Variants in PDE3B observed in about 807,000 individuals in gnomAD.
PDE3B encodes cGMP-inhibited 3',5'-cyclic phosphodiesterase 3B.
Under a neutral mutation model 116.8 loss-of-function variants are expected in PDE3B, and 66 were observed. The ratio of observed to expected loss-of-function variants is 0.56; its 90% CI spans 0.46 to 0.69. PDE3B has a LOEUF of 0.69. Among genes scored for constraint, PDE3B ranks in the 30% least tolerant of loss-of-function variants. The probability of loss-of-function intolerance (pLI) is 0.00; values close to 1 mark genes in which losing one functional copy is unlikely to be tolerated. For synonymous variants in PDE3B, 595 were observed against 533.6 expected (o/e 1.12, Z -1.59); for missense variants, 1,384 against 1,368.1 (o/e 1.01, Z -0.18).
chr11:14,742,980 C>G (rs1022469388), intron 1 of PDE3B, among the ~76,000 whole-genome samples: 1 of 152,160 alleles, frequency 6.6e-6, no homozygotes, highest in Non-Finnish European at 1.5e-5. Flanking sequence ...AGCCAGAGCT[C>G]TCCTGTATGA....
intron 5 of PDE3B, among the ~76,000 whole-genome samples, chr11:14,809,145 G>A (rs1859045751): frequency 6.6e-6 from 1 of 152,176 alleles, no homozygotes; most frequent in African/African-American, 2.4e-5. Flanking sequence ...TACTGGCATA[G>A]AGATATTTCT....
chr11:14,723,641 G>A (rs768063753), intron 1 of PDE3B, among the ~76,000 whole-genome samples: 2 of 152,060 alleles, frequency 1.3e-5, no homozygotes, highest in Non-Finnish European at 2.9e-5. Flanking sequence ...CACACCTCTA[G>A]TCCTAGCTAC....
intron 1 of PDE3B, among the ~76,000 whole-genome samples, chr11:14,678,157 C>T (rs1164324965): frequency 4.6e-5 from 7 of 152,054 alleles, no homozygotes; most frequent in African/African-American, 7.2e-5. Context: ...TTGAACTGGC[C>T]TCAAGTTATT....
At chr11:14,783,874 C>T (rs539887828) in intron 2 of PDE3B, among the ~76,000 whole-genome samples, 8 of 152,260 alleles carry the variant, frequency 5.3e-5, no homozygotes, top group South Asian at 4.1e-4. Context: ...TTAAACCAGG[C>T]GTCACCAACC....
chr11:14,844,351 T>G (rs1487491224), intron 12 of PDE3B, among the ~76,000 whole-genome samples: 1 of 152,174 alleles, frequency 6.6e-6, no homozygotes. Context: ...TCTGTTCCGC[T>G]GGAGCCAAGA....
chr11:14,675,742 A>G (rs1310725344), intron 1 of PDE3B, among the ~76,000 whole-genome samples: 1 of 152,196 alleles, frequency 6.6e-6, no homozygotes, highest in African/African-American at 2.4e-5. Context: ...TTTTATGAAT[A>G]CATCACAATT....
the PDE3B span, among the ~76,000 whole-genome samples, chr11:14,894,645 G>T: frequency 1.3e-5 from 2 of 152,156 alleles, no homozygotes; most frequent in South Asian, 4.1e-4. Context: ...CAGCACTGAT[G>T]AAATGTTCCC....
At chr11:14,891,641 T>A in the PDE3B span, 1 of 1,120,582 alleles carries the variant, frequency 8.9e-7, no homozygotes, top group South Asian at 2.5e-5. Context: ...AGGGCATGCG[T>A]CCACCCTGGA....
chr11:14,879,238 T>G, the PDE3B span: 5 of 1,613,208 alleles, frequency 3.1e-6, no homozygotes, highest in Admixed American at 6.7e-5. Context: ...AATAAAGATT[T>G]GTAATTACTG....
chr11:14,704,373 A>C (rs770760178), intron 1 of PDE3B, among the ~76,000 whole-genome samples: 2 of 151,768 alleles, frequency 1.3e-5, no homozygotes, highest in African/African-American at 2.4e-5. Context: ...TTGAGCTGTA[A>C]ATTCAGAGAT....
intron 11 of PDE3B, among the ~76,000 whole-genome samples, chr11:14,835,891 TCA>T (rs1482955211): frequency 2.6e-5 from 4 of 152,178 alleles, no homozygotes; most frequent in Non-Finnish European, 5.9e-5. Context: ...GCCCAGGAGT[TCA>T]AGGCTGCAGT....
chr11:14,804,722 G>A (rs1858868374), intron 5 of PDE3B, among the ~76,000 whole-genome samples: 1 of 152,020 alleles, frequency 6.6e-6, no homozygotes, highest in Admixed American at 6.6e-5. Flanking sequence ...ATCTATATAT[G>A]ATATTGATGC....
At chr11:14,881,889 T>A in the PDE3B span, among the ~76,000 whole-genome samples, 1 of 152,108 alleles carries the variant, frequency 6.6e-6, no homozygotes, top group Non-Finnish European at 1.5e-5. Context: ...CAGCCTCGGG[T>A]ATTTCTTTAT....
At chr11:14,700,191 G>A (rs553345718) in intron 1 of PDE3B, among the ~76,000 whole-genome samples, 2 of 151,756 alleles carry the variant, frequency 1.3e-5, no homozygotes, top group South Asian at 2.1e-4. Context: ...CTAATATTTA[G>A]TAAGGTTAAT....
intron 1 of PDE3B, among the ~76,000 whole-genome samples, chr11:14,733,806 A>G (rs1399157769): frequency 6.6e-6 from 1 of 152,064 alleles, no homozygotes; most frequent in Non-Finnish European, 1.5e-5. Flanking sequence ...AAAGAATGAG[A>G]TGTAATTTTT....
chr11:14,831,072 CAT>C (rs1859868909), intron 8 of PDE3B, among the ~76,000 whole-genome samples: 1 of 151,548 alleles, frequency 6.6e-6, no homozygotes, highest in Non-Finnish European at 1.5e-5. Context: ...TTTAAATGAA[CAT>C]ATTTTATTTA....
At chr11:14,783,712 G>A (rs746272511) in intron 2 of PDE3B, among the ~76,000 whole-genome samples, 7 of 151,928 alleles carry the variant, frequency 4.6e-5, no homozygotes, top group Non-Finnish European at 1.0e-4. Flanking sequence ...GTATACATAT[G>A]TAACAAACCT....
the PDE3B span, chr11:14,880,436 A>G: frequency 6.2e-7 from 1 of 1,613,474 alleles, no homozygotes; most frequent in African/African-American, 1.3e-5. Context: ...ATGCCAATCC[A>G]TGGAAAGGCA....
chr11:14,670,029 A>G (rs1239716386), intron 1 of PDE3B, among the ~76,000 whole-genome samples: 1 of 152,144 alleles, frequency 6.6e-6, no homozygotes, highest in African/African-American at 2.4e-5. Context: ...TGCCTTCATC[A>G]TTAGGTGGGA....
Sources: gnomAD v4.1 joint callset for allele counts (sites outside exome capture counted in the v4.1 genomes callset) on GRCh38, gnomAD v4.1.1 for gene constraint, MANE v1.5 for transcripts, NCBI Gene and HGNC (gene_info 2026-07-23, HGNC 2026-07-21) for gene names.